FLRT2: variants seen among roughly 807,000 people sequenced by gnomAD.
The protein encoded by FLRT2 is leucine-rich repeat transmembrane protein FLRT2.
Under a neutral mutation model 40.0 loss-of-function variants are expected in FLRT2, and 15 were observed. The observed-to-expected ratio is 0.38, with a 90% CI of 0.25 to 0.58. The LOEUF (loss-of-function observed/expected upper bound fraction) is 0.58. FLRT2 is among the 20% of genes least tolerant of loss of function. The pLI, the probability that FLRT2 is intolerant of heterozygous loss-of-function variation, is 0.71. For synonymous variants in FLRT2, 380 were observed against 336.8 expected, an observed-to-expected ratio of 1.13 and a Z score of -1.41; for missense variants, 726 against 840.0, an observed-to-expected ratio of 0.86 and a Z score of 1.68.
At chr14:85,576,285 C>T (rs969938059) in intron 1 of FLRT2, among the ~76,000 whole-genome samples, 10 of 152,044 alleles carry the variant, frequency 6.6e-5, no homozygotes, top group Non-Finnish European at 1.0e-4. Context: ...GTTTTTCTTT[C>T]GTGGCAAGAG....
At chr14:85,603,675 T>C (rs940203849) in intron 1 of FLRT2, among the ~76,000 whole-genome samples, 2 of 151,786 alleles carry the variant, frequency 1.3e-5, no homozygotes, top group Non-Finnish European at 2.9e-5. Context: ...TTGAGACCAG[T>C]CTGGCCAACA....
rs1894371803 is a variant in FLRT2 at position 85,649,045 on chromosome 14, C to A, written c.*25548C>A. The A allele has an allele frequency of 2.0e-5, 3 of 152,000 alleles. No individual in the cohort carries two copies. Among genetic ancestry groups the A allele is most frequent in the Admixed American group, 2.0e-4 (3 of 15,244 alleles). The allele number at this position is 152,000 out of a possible 1,614,324, so 9.4% of individuals were successfully genotyped here. On this transcript the variant is annotated 3_prime_UTR_variant, in exon 2 of 2. Coordinates refer to ENST00000330753, the MANE Select transcript of FLRT2 (RefSeq NM_013231.6). ...GGAGTGCTCCAATTTTGATACTCTC[C>A]CTGTCAATATGCCTATTACCCCAAT...
intron 1 of FLRT2, among the ~76,000 whole-genome samples, chr14:85,597,322 A>C (rs2139327039): frequency 6.6e-6 from 1 of 152,318 alleles, no homozygotes; most frequent in African/African-American, 2.4e-5. Flanking sequence ...TTATTAACTA[A>C]GACAGGTATG....
intron 1 of FLRT2, among the ~76,000 whole-genome samples, chr14:85,620,216 C>CT (rs916552046): frequency 2.6e-5 from 4 of 151,844 alleles, no homozygotes; most frequent in Non-Finnish European, 5.9e-5. Flanking sequence ...GTTTATACTA[C>CT]TTTTTTTTCT....
chr14:85,558,230 A>G (rs1890096105), intron 1 of FLRT2, among the ~76,000 whole-genome samples: 1 of 152,214 alleles, frequency 6.6e-6, no homozygotes, highest in South Asian at 2.1e-4. Context: ...TTGTAAGCAG[A>G]ACAAGAGGCA....
At chr14:85,604,720 A>G (rs1279927901) in intron 1 of FLRT2, among the ~76,000 whole-genome samples, 2 of 152,194 alleles carry the variant, frequency 1.3e-5, no homozygotes, top group African/African-American at 4.8e-5. Flanking sequence ...AGGGAATAAA[A>G]GGATCCAGAT....
chr14:85,562,503 C>G (rs181976741), intron 1 of FLRT2: 1 of 152,058 alleles, frequency 6.6e-6, no homozygotes, highest in African/African-American at 2.4e-5. Flanking sequence ...AATACCAACT[C>G]ATGAACTCAT....
intron 1 of FLRT2, among the ~76,000 whole-genome samples, chr14:85,531,444 T>C (rs554462491): frequency 5.6e-4 from 85 of 152,138 alleles, no homozygotes; most frequent in Non-Finnish European, 7.2e-4. Context: ...GCTGCCGCGG[T>C]CTTTCGTCAT....
At chr14:85,617,673 A>G (rs547725595) in intron 1 of FLRT2, among the ~76,000 whole-genome samples, 28 of 152,326 alleles carry the variant, frequency 1.8e-4, no homozygotes, top group Non-Finnish European at 3.5e-4. Flanking sequence ...TTTTACCAAT[A>G]TGTATACTGA....
intron 1 of FLRT2, among the ~76,000 whole-genome samples, chr14:85,579,218 G>C (rs1891276866): frequency 6.6e-6 from 1 of 152,144 alleles, no homozygotes; most frequent in South Asian, 2.1e-4. Flanking sequence ...GGGGGAACCA[G>C]GCCCAGATGC....
In FLRT2 at chr14:85,590,788, G is replaced by A. The variant is rs146495560; in HGVS notation, c.-376-30351G>A. On this transcript the variant is annotated intron_variant, in intron 1 of 1. Coordinates refer to ENST00000330753, the MANE Select transcript of FLRT2 (RefSeq NM_013231.6). ...AATTTTTGTATTTTTAGTAGAGATG[G>A]GGTTTCACCATATTGGTCAGGCTGG... is the stretch of plus-strand genomic sequence containing the variant. Among the ~76,000 whole-genome samples, 340 of 152,110 alleles carry A rather than the reference G, an allele frequency of 2.2e-3. 1 individual carries two copies. Among genetic ancestry groups the A allele is most frequent in the African/African-American group, 7.7e-3 (321 of 41,502 alleles).
At position 85,641,788 on chromosome 14, in the gene FLRT2, G is replaced by C. The variant is rs1304584002; in HGVS notation, c.*18291G>C. Reference sequence around the variant, plus strand: ...AAATTTGATATTGGTTACCTAAACTGTCTGAATTTGAAAGTAGAGACAATC... The same window carrying C: ...AAATTTGATATTGGTTACCTAAACTCTCTGAATTTGAAAGTAGAGACAATC... On this transcript the variant is annotated 3_prime_UTR_variant, in exon 2 of 2. Coordinates refer to ENST00000330753, the MANE Select transcript of FLRT2 (RefSeq NM_013231.6). The C allele has an allele frequency of 6.6e-6, 1 of 152,052 alleles. No homozygotes were observed. Among genetic ancestry groups the C allele is most frequent in the Non-Finnish European group, 1.5e-5 (1 of 68,018 alleles). 9.4% of individuals were successfully genotyped at this position (152,052 alleles called of 1,614,324 possible). A position where few individuals can be genotyped will look rare whatever the true frequency, so the allele number is the denominator to read the frequency against.
intron 1 of FLRT2, among the ~76,000 whole-genome samples, chr14:85,566,658 A>G (rs369482660): frequency 6.6e-6 from 1 of 151,718 alleles, no homozygotes; most frequent in Non-Finnish European, 1.5e-5. Flanking sequence ...AGTTGATCCA[A>G]ATACATACGG....
intron 1 of FLRT2, among the ~76,000 whole-genome samples, chr14:85,582,770 G>GT (rs1202149362): frequency 1.3e-5 from 2 of 151,948 alleles, no homozygotes; most frequent in Non-Finnish European, 2.9e-5. Flanking sequence ...ATATCTAGCT[G>GT]TTTTTATTAT....
chr14:85,584,458 G>A (rs773885956), intron 1 of FLRT2, among the ~76,000 whole-genome samples: 5 of 152,182 alleles, frequency 3.3e-5, no homozygotes, highest in Non-Finnish European at 4.4e-5. Context: ...AGTAGGTATT[G>A]AATGCCTAGA....
chr14:85,540,533 A>G (rs1435934743), intron 1 of FLRT2, among the ~76,000 whole-genome samples: 1 of 152,106 alleles, frequency 6.6e-6, no homozygotes, highest in Non-Finnish European at 1.5e-5. Flanking sequence ...TTTCTGTTGC[A>G]TAGTTGAAGG....
intron 1 of FLRT2, among the ~76,000 whole-genome samples, chr14:85,548,558 G>A (rs1235131975): frequency 6.6e-6 from 1 of 152,224 alleles, no homozygotes; most frequent in African/African-American, 2.4e-5. Context: ...TTGTGCTATA[G>A]TTTATATTGA....
intron 1 of FLRT2, among the ~76,000 whole-genome samples, chr14:85,583,170 C>A (rs1891467001): frequency 6.6e-6 from 1 of 152,120 alleles, no homozygotes; most frequent in African/African-American, 2.4e-5. Context: ...GGGATCAACT[C>A]TGAAGGTTAA....
chr14:85,572,168 CT>C (rs1890920549), intron 1 of FLRT2, among the ~76,000 whole-genome samples: 1 of 152,168 alleles, frequency 6.6e-6, no homozygotes, highest in Admixed American at 6.5e-5. Flanking sequence ...TGTGTCTTTA[CT>C]TAGATCATAA....
Sources: allele counts gnomAD v4.1 joint callset (sites outside exome capture counted in the v4.1 genomes callset), GRCh38; gene constraint gnomAD v4.1.1; transcripts MANE v1.5; gene names NCBI Gene and HGNC (gene_info 2026-07-23, HGNC 2026-07-21).